The following CACNA1S variants were observed in gnomAD, a reference collection of about 807,000 sequenced individuals.
CACNA1S encodes the protein voltage-dependent L-type calcium channel subunit alpha-1S.
Under a neutral mutation model 207.4 loss-of-function variants are expected in CACNA1S, and 126 were observed. The observed-to-expected ratio is 0.61, with a 90% CI of 0.53 to 0.70. The LOEUF is 0.70. Among genes scored for constraint, CACNA1S ranks in the 30% least tolerant of loss-of-function variants. The pLI is 0.00. For missense variants in CACNA1S, 2,349 were observed against 2,422.8 expected (o/e 0.97, Z 0.64); for synonymous variants, 960 against 932.7 (o/e 1.03, Z -0.53).
At position 201,058,487 on chromosome 1, in the gene CACNA1S, T is replaced by A. The variant is rs774511818; in HGVS notation, c.3530A>T (p.Tyr1177Phe). 1.2e-5 allele frequency: 19 copies of A among 1,613,082 alleles called. No individual in the cohort carries two copies. Among genetic ancestry groups the A allele is most frequent in the Non-Finnish European group, 1.6e-5 (19 of 1,179,186 alleles). Residue 1177 changes from tyrosine (Y) to phenylalanine (F), a missense_variant, in exon 28 of 44, where the codon TAC becomes TTC. Physicochemically the swap from Tyr to Phe is conservative, Grantham distance 22. Coordinates refer to ENST00000362061, the MANE Select transcript of CACNA1S (RefSeq NM_000069.3). ...AAACACATTCCAGGGGTCTCCAAAG[T>A]AGCCCTGGGAAGGAAAAGGATGGGA... The part of the protein sequence containing the change: ...LKLMAFKARG[Y>F]FGDPWNVFDF...
Position 201,093,922 on chromosome 1 carries a change from T to C in CACNA1S, c.358A>G (p.Ser120Gly). Residue 120 changes from serine (S) to glycine (G), a missense_variant, in exon 3 of 44, where the codon AGT (serine) becomes GGT (glycine). Coordinates refer to ENST00000362061, the MANE Select transcript of CACNA1S (RefSeq NM_000069.3). ...FLFHQDAYLR[S>G]GWNVLDFTIV... Reference sequence around the variant, plus strand: ...GTGAAGTCCAGCACATTCCAGCCACTGCGCAGGTAAGCGTCCTGGTGGAAT... The same window carrying C: ...GTGAAGTCCAGCACATTCCAGCCACCGCGCAGGTAAGCGTCCTGGTGGAAT... 1 of 1,614,208 alleles carries C rather than the reference T, an allele frequency of 6.2e-7. No homozygotes were observed.
At chr1:201,073,508 GC>G in intron 15 of CACNA1S, 40 bp downstream of exon 15, 1 of 1,465,606 alleles carries the variant, frequency 6.8e-7, no homozygotes, top group Non-Finnish European at 9.6e-7. Flanking sequence ...GATTGGAAGA[GC>G]CCCTAGACTG....
intron 2 of CACNA1S, among the ~76,000 whole-genome samples, chr1:201,100,603 G>T (rs547695735): frequency 6.6e-6 from 1 of 152,208 alleles, no homozygotes; most frequent in East Asian, 1.9e-4. Context: ...CCCTTACCAG[G>T]GAACCAAGCT....
rs1442336239 is a variant in CACNA1S at position 201,070,329 on chromosome 1, T to C, written c.2303A>G (p.Glu768Gly). 1.2e-6 allele frequency: 2 copies of C among 1,614,128 alleles called. No homozygotes were observed. Among genetic ancestry groups the C allele is most frequent in the Non-Finnish European group, 8.5e-7 (1 of 1,180,028 alleles). ...PRPLAELQLK[E>G]KAVPIPEASS... ...GGCTTCTGGAATGGGCACGGCCTTC[T>C]CTTTCAGCTGCAGCTCAGCCAGGGG... The change falls in exon 17 of 44, where the codon GAG (glutamate) becomes GGG (glycine). Residue 768 changes from glutamate to glycine, a missense_variant. By Grantham distance (98) the Glu-to-Gly change is moderately conservative. Coordinates refer to ENST00000362061, the MANE Select transcript of CACNA1S (RefSeq NM_000069.3).
chr1:201,108,500 G>A (rs1662982533), intron 2 of CACNA1S, among the ~76,000 whole-genome samples: 1 of 152,302 alleles, frequency 6.6e-6, no homozygotes, highest in South Asian at 2.1e-4. Context: ...AAATCCTGAA[G>A]GGTGGGGTAG....
At chr1:201,105,824 T>G (rs534031642) in intron 2 of CACNA1S, among the ~76,000 whole-genome samples, 1 of 152,236 alleles carries the variant, frequency 6.6e-6, no homozygotes, top group South Asian at 2.1e-4. Context: ...GGAGGGACAC[T>G]GCCAAGGGAG....
chr1:201,107,990 A>G (rs1662960563), intron 2 of CACNA1S, among the ~76,000 whole-genome samples: 1 of 152,186 alleles, frequency 6.6e-6, no homozygotes, highest in South Asian at 2.1e-4. Flanking sequence ...GGCCTAACCC[A>G]AGGTTTTGCA....
intron 2 of CACNA1S, among the ~76,000 whole-genome samples, chr1:201,101,622 GGGCCGAGGCACACACACCTTCT>G (rs748660490): frequency 4.6e-5 from 7 of 152,226 alleles, no homozygotes; most frequent in Non-Finnish European, 8.8e-5. Context: ...GCACCTTTCA[GGGCCGAGGCACACACACCTTCT>G]GGTGTCTGAT....
chr1:201,112,162 C>CA, intron 1 of CACNA1S, 26 bp downstream of exon 1: 2 of 1,607,040 alleles, frequency 1.2e-6, no homozygotes, highest in Non-Finnish European at 1.7e-6. Flanking sequence ...CACACCCCCC[C>CA]CCACGGCCCG....
At chr1:201,060,326 C>T (rs1660998083) in intron 26 of CACNA1S, among the ~76,000 whole-genome samples, 1 of 152,196 alleles carries the variant, frequency 6.6e-6, no homozygotes, top group Admixed American at 6.5e-5. Flanking sequence ...AAGATTCCAG[C>T]CAACTCAACC....
chr1:201,086,803 T>C (rs1191988165), intron 7 of CACNA1S, among the ~76,000 whole-genome samples: 9 of 152,264 alleles, frequency 5.9e-5, no homozygotes, highest in Non-Finnish European at 1.0e-4. Context: ...TTTCAAAGTA[T>C]GGAGTAGTTA....
intron 32 of CACNA1S, among the ~76,000 whole-genome samples, chr1:201,052,153 C>G (rs1369901652): frequency 6.6e-6 from 1 of 152,260 alleles, no homozygotes; most frequent in Non-Finnish European, 1.5e-5. Flanking sequence ...CCCCTGCGCC[C>G]TACCTGTGGC....
chr1:201,044,813 C>T (rs187605251), intron 38 of CACNA1S, among the ~76,000 whole-genome samples: 13 of 152,188 alleles, frequency 8.5e-5, no homozygotes, highest in East Asian at 1.9e-4. Context: ...TGGCTAGAAC[C>T]GCTTCGTATG....
chr1:201,065,503 G>C (rs1167965491), intron 22 of CACNA1S, among the ~76,000 whole-genome samples: 1 of 152,162 alleles, frequency 6.6e-6, no homozygotes, highest in African/African-American at 2.4e-5. Flanking sequence ...TTAAGAGATG[G>C]GGCTTGAATT....
At chr1:201,062,242 G>T (rs1215656609) in intron 23 of CACNA1S, 152 bp from the exon 24 acceptor site, 2 of 1,097,586 alleles carry the variant, frequency 1.8e-6, no homozygotes, top group African/African-American at 3.1e-5. Flanking sequence ...CCGAGGAAAG[G>T]GGCCTCTGTG....
chr1:201,069,238 AG>A (rs1572042241), intron 18 of CACNA1S, 42 bp from the exon 19 acceptor site: 1 of 1,565,130 alleles, frequency 6.4e-7, no homozygotes, highest in Non-Finnish European at 8.8e-7. Flanking sequence ...TGAGAGGAGG[AG>A]GGGGCAACAG....
chr1:201,047,211 G>A lies in CACNA1S; in HGVS notation c.4572C>T (p.Tyr1524=), dbSNP rs765581827. 22 of 1,614,068 alleles carry A rather than the reference G, an allele frequency of 1.4e-5. No individual in the cohort carries two copies. Among genetic ancestry groups the A allele is most frequent in the African/African-American group, 6.7e-5 (5 of 74,930 alleles). The change falls in exon 38 of 44, where the codon TAC becomes TAT. Residue 1524 remains tyrosine (Y), a synonymous_variant. Coordinates refer to ENST00000362061, the MANE Select transcript of CACNA1S (RefSeq NM_000069.3). ...AGTGCTCCTGGATGAGGAATGTGGC[G>A]TAGAACTTCCCCACTGTCACCTCAT... The part of the protein sequence containing the change: ...GDDEVTVGKF[Y]ATFLIQEHFR...
In CACNA1S at chr1:201,077,967, T is replaced by G. The variant is rs748021245; in HGVS notation, c.1531A>C (p.Ile511Leu). Residue 511 changes from isoleucine (I) to leucine (L), a missense_variant, in exon 11 of 44, where the codon ATC becomes CTC. By Grantham distance (5) the Ile-to-Leu change is conservative. Coordinates refer to ENST00000362061, the MANE Select transcript of CACNA1S (RefSeq NM_000069.3). ...CFVVCSGILE[I>L]LLVESGAMTP... ...ATGGCACCCGACTCCACCAGCAGGA[T>G]CTCCAGGATACCGCTACACACCACG... is the stretch of plus-strand genomic sequence containing the variant. 19 of 1,613,940 alleles carry G rather than the reference T, an allele frequency of 1.2e-5. No individual in the cohort carries two copies. The highest frequency in any genetic ancestry group is 1.6e-4 in the Middle Eastern group (1 of 6,084).
At position 201,053,449 on chromosome 1, in the gene CACNA1S, C is replaced by T. The variant is rs1361377771; in HGVS notation, c.3795+10G>A. On this transcript the variant is annotated intron_variant, in intron 30 of 43. Transcript: ENST00000362061. The surrounding 1 kb of genome is among the most constrained non-coding windows in gnomAD (Gnocchi z 5.1). ...CCAGGTACGTGCAGTTTCCAGGGTC[C>T]CTGTTGCACCTGGAAGGACTTGATG... 2 of 1,614,136 alleles carry T rather than the reference C, an allele frequency of 1.2e-6. No individual in the cohort carries two copies. The highest frequency in any genetic ancestry group is 3.3e-5 in the Admixed American group (2 of 60,022).
Sources: gnomAD v4.1 joint callset for allele counts (sites outside exome capture counted in the v4.1 genomes callset) on GRCh38, gnomAD v4.1.1 for gene constraint, Gnocchi (gnomAD v3.1) non-coding constraint, MANE v1.5 for transcripts, NCBI Gene and HGNC (gene_info 2026-07-23, HGNC 2026-07-21) for gene names.